ARHGAP32: variants seen among roughly 807,000 people sequenced by gnomAD.
ARHGAP32 encodes Rho GTPase activating protein 32.
ARHGAP32 carries 51 observed loss-of-function variants against 186.5 expected under a neutral mutation model. The ratio of observed to expected loss-of-function variants is 0.27; its 90% CI spans 0.22 to 0.35. ARHGAP32 has a LOEUF of 0.35. Ranked by LOEUF, ARHGAP32 falls within the 10% of genes least tolerant of loss-of-function variation. ARHGAP32 has a pLI of 1.00. For missense variants in ARHGAP32, 2,186 were observed against 2,623.5 expected (o/e 0.83, Z 3.64); for synonymous variants, 950 against 964.3 (o/e 0.99, Z 0.27).
At chr11:129,085,258 G>A (rs1034218108) in intron 6 of ARHGAP32, among the ~76,000 whole-genome samples, 3 of 151,906 alleles carry the variant, frequency 2.0e-5, no homozygotes, top group Non-Finnish European at 4.4e-5. Context: ...AGCCTCAGTC[G>A]CCAAGCATTC....
In ARHGAP32 at chr11:128,981,404, T is replaced by C. The variant is rs1475097795; in HGVS notation, c.1780+12A>G. 1 of 1,574,380 alleles carries C rather than the reference T, an allele frequency of 6.4e-7. No individual in the cohort carries two copies. Among genetic ancestry groups the C allele is most frequent in the Non-Finnish European group, 8.6e-7 (1 of 1,156,258 alleles). ...CACACCCTCCTGGTAGGAAGGGCCATCGGAGCCGTACCTGCCCCCTCTTGC... is the reference window on the plus strand; with the variant it reads ...CACACCCTCCTGGTAGGAAGGGCCACCGGAGCCGTACCTGCCCCCTCTTGC... On this transcript the variant is annotated intron_variant, in intron 17 of 22. Coordinates refer to ENST00000682385, the MANE Select transcript of ARHGAP32 (RefSeq NM_001378024.1).
At chr11:129,102,599 G>C (rs1941933138) in intron 5 of ARHGAP32, among the ~76,000 whole-genome samples, 1 of 152,096 alleles carries the variant, frequency 6.6e-6, no homozygotes, top group Admixed American at 6.5e-5. Context: ...TGACCAGTAA[G>C]CACACAAAAA....
At chr11:129,254,666 C>T (rs540485922) in intron 1 of ARHGAP32, among the ~76,000 whole-genome samples, 1 of 152,168 alleles carries the variant, frequency 6.6e-6, no homozygotes, top group South Asian at 2.1e-4. Context: ...TTCACTATTC[C>T]TGTTTCACCT....
At chr11:129,060,280 A>G (rs1462829164) in intron 10 of ARHGAP32, among the ~76,000 whole-genome samples, 2 of 152,126 alleles carry the variant, frequency 1.3e-5, no homozygotes, top group Non-Finnish European at 2.9e-5. Flanking sequence ...AAACCCTCTG[A>G]TTTTAAGAAG....
At chr11:128,990,031 T>C (rs1262072981) in intron 12 of ARHGAP32, among the ~76,000 whole-genome samples, 1 of 152,208 alleles carries the variant, frequency 6.6e-6, no homozygotes, top group Non-Finnish European at 1.5e-5. Flanking sequence ...TAATTATTAT[T>C]GTATTTCCAT....
chr11:129,231,348 A>G (rs1044416364), intron 1 of ARHGAP32, among the ~76,000 whole-genome samples: 1 of 152,124 alleles, frequency 6.6e-6, no homozygotes, highest in Non-Finnish European at 1.5e-5. Context: ...TGTTAAATAC[A>G]CTAACAAGGA....
At chr11:129,022,167 G>A (rs555520844) in intron 11 of ARHGAP32, among the ~76,000 whole-genome samples, 1 of 152,122 alleles carries the variant, frequency 6.6e-6, no homozygotes, top group South Asian at 2.1e-4. Context: ...AAGGTAACAG[G>A]ACTACCAAAA....
Position 128,968,894 on chromosome 11 carries a change from T to C in ARHGAP32, c.*13A>G. The C allele has an allele frequency of 1.4e-6, 2 of 1,469,712 alleles. No homozygotes were observed. The highest frequency in any genetic ancestry group is 4.7e-5 in the East Asian group (2 of 42,852). 91.0% of individuals were successfully genotyped at this position (1,469,712 alleles called of 1,614,324 possible). On this transcript the variant is annotated 3_prime_UTR_variant, in exon 23 of 23. Transcript: ENST00000682385. Reference sequence around the variant, plus strand: ...TCCAGCAGAGGCTGCTTCAACTCTATTGCTCGCAGGGCTCATTCTGCATGG... The same window carrying C: ...TCCAGCAGAGGCTGCTTCAACTCTACTGCTCGCAGGGCTCATTCTGCATGG...
chr11:129,166,151 T>C (rs1006025677), intron 1 of ARHGAP32, among the ~76,000 whole-genome samples: 3 of 151,996 alleles, frequency 2.0e-5, no homozygotes, highest in African/African-American at 7.2e-5. Flanking sequence ...AAGAGAGGGT[T>C]AGTGAACTAG....
chr11:129,003,885 G>A (rs1937632023), intron 11 of ARHGAP32, among the ~76,000 whole-genome samples: 1 of 151,792 alleles, frequency 6.6e-6, no homozygotes, highest in African/African-American at 2.4e-5. Context: ...TATCTGCCCT[G>A]ATCTTTCATT....
intron 11 of ARHGAP32, among the ~76,000 whole-genome samples, chr11:129,003,212 C>T (rs1435418263): frequency 6.6e-6 from 1 of 152,220 alleles, no homozygotes; most frequent in African/African-American, 2.4e-5. Flanking sequence ...GTATGTTGAA[C>T]TATCCTTGCA....
At chr11:129,176,811 C>A (rs1463308670) in intron 1 of ARHGAP32, among the ~76,000 whole-genome samples, 1 of 151,796 alleles carries the variant, frequency 6.6e-6, no homozygotes, top group Non-Finnish European at 1.5e-5. Flanking sequence ...ATTTATAGCA[C>A]TAAATGCCCA....
intron 6 of ARHGAP32, among the ~76,000 whole-genome samples, chr11:129,088,025 G>A (rs904975370): frequency 9.2e-5 from 14 of 152,062 alleles, no homozygotes; most frequent in Admixed American, 5.2e-4. Context: ...GTTAAGGCAG[G>A]GAATTAGATT....
chr11:129,232,090 T>G (rs1944867425), intron 1 of ARHGAP32, among the ~76,000 whole-genome samples: 1 of 149,522 alleles, frequency 6.7e-6, no homozygotes, highest in Non-Finnish European at 1.5e-5. Flanking sequence ...TACTCACTTC[T>G]CTGTTCCCAT....
At chr11:129,056,273 G>C (rs562169311) in intron 10 of ARHGAP32, among the ~76,000 whole-genome samples, 47 of 152,280 alleles carry the variant, frequency 3.1e-4, no homozygotes, top group Non-Finnish European at 4.1e-4. Context: ...CAAAAATCAA[G>C]TCTATTGATT....
intron 6 of ARHGAP32, among the ~76,000 whole-genome samples, chr11:129,088,992 T>C (rs1431074754): frequency 1.4e-5 from 1 of 73,810 alleles, no homozygotes; most frequent in African/African-American, 7.0e-5. Context: ...AGAGAGACCT[T>C]GTCAAAAAAA....
intron 2 of ARHGAP32, among the ~76,000 whole-genome samples, chr11:129,161,011 AC>A (rs1238599735): frequency 6.6e-6 from 1 of 152,114 alleles, no homozygotes; most frequent in Non-Finnish European, 1.5e-5. Flanking sequence ...CACATCTACG[AC>A]CCTCTGATCT....
chr11:129,064,138 T>TTAA (rs1940608435), intron 8 of ARHGAP32, 114 bp from the exon 9 acceptor site: 34 of 640,206 alleles, frequency 5.3e-5, no homozygotes, highest in Non-Finnish European at 1.4e-5. Context: ...CAAAGAGTCT[T>TTAA]AAAAAAAAAA....
chr11:129,120,589 A>G (rs1942501339), intron 5 of ARHGAP32, among the ~76,000 whole-genome samples: 1 of 152,154 alleles, frequency 6.6e-6, no homozygotes, highest in Non-Finnish European at 1.5e-5. Flanking sequence ...TATAGGATTA[A>G]AAATAACTAT....
Sources: gnomAD v4.1 joint callset for allele counts (sites outside exome capture counted in the v4.1 genomes callset) on GRCh38, gnomAD v4.1.1 for gene constraint, MANE v1.5 for transcripts, NCBI Gene and HGNC (gene_info 2026-07-23, HGNC 2026-07-21) for gene names.